The following SEMA3A variants were observed in gnomAD, a reference collection of about 807,000 sequenced individuals.
SEMA3A encodes the protein semaphorin 3A, also known as semaphorin-3A.
In SEMA3A, 29 loss-of-function variants were observed where a neutral mutation model predicts 97.9. The observed-to-expected ratio is 0.30, with a 90% CI of 0.22 to 0.40. SEMA3A has a LOEUF of 0.40. Ranked by LOEUF, SEMA3A falls within the 10% of genes least tolerant of loss-of-function variation. The pLI, the probability that SEMA3A is intolerant of heterozygous loss-of-function variation, is 1.00. For missense variants in SEMA3A, 763 were observed against 951.3 expected (o/e 0.80, Z 2.60); for synonymous variants, 321 against 323.7 (o/e 0.99, Z 0.09).
intron 1 of SEMA3A, among the ~76,000 whole-genome samples, chr7:84,458,316 T>C (rs1805737185): frequency 6.6e-6 from 1 of 152,044 alleles, no homozygotes; most frequent in South Asian, 2.1e-4. Flanking sequence ...TTTATTTGTG[T>C]CTCTCTTTAA....
At chr7:84,284,185 C>T (rs978152658) in intron 3 of SEMA3A, among the ~76,000 whole-genome samples, 3 of 152,030 alleles carry the variant, frequency 2.0e-5, no homozygotes, top group Non-Finnish European at 4.4e-5. Flanking sequence ...TGAGCATTTA[C>T]ATTCTCTTTT....
chr7:84,052,143 G>A (rs1460992180), intron 5 of SEMA3A, among the ~76,000 whole-genome samples: 7 of 151,984 alleles, frequency 4.6e-5, no homozygotes, highest in Non-Finnish European at 1.0e-4. Flanking sequence ...TTGCATCAAT[G>A]TTCATCAAGG....
intron 1 of SEMA3A, among the ~76,000 whole-genome samples, chr7:84,175,008 A>G (rs1797517780): frequency 2.0e-5 from 3 of 152,028 alleles, no homozygotes; most frequent in Admixed American, 6.6e-5. Flanking sequence ...TTTTACTGTA[A>G]TGAGTATGCG....
intron 3 of SEMA3A, among the ~76,000 whole-genome samples, chr7:84,128,739 C>T (rs1795871798): frequency 6.6e-6 from 1 of 152,002 alleles, no homozygotes; most frequent in African/African-American, 2.4e-5. Flanking sequence ...TCGAGCATCC[C>T]TAATTCAAAA....
intron 2 of SEMA3A, among the ~76,000 whole-genome samples, chr7:84,359,860 G>C (rs1352775229): frequency 1.3e-5 from 2 of 152,116 alleles, no homozygotes; most frequent in East Asian, 3.9e-4. Context: ...TTCTGGTTTA[G>C]TCTTGGGAGG....
intron 3 of SEMA3A, among the ~76,000 whole-genome samples, chr7:84,282,232 C>T (rs1800455905): frequency 6.6e-6 from 1 of 152,074 alleles, no homozygotes; most frequent in African/African-American, 2.4e-5. Context: ...AGCTGGTTTA[C>T]AGTTAAAAAA....
At chr7:84,256,246 A>C (rs1437741868) in intron 3 of SEMA3A, among the ~76,000 whole-genome samples, 1 of 152,106 alleles carries the variant, frequency 6.6e-6, no homozygotes, top group Admixed American at 6.5e-5. Context: ...TTGTGAAGTG[A>C]ATGTAGTACC....
chr7:84,450,252 C>T (rs915254048), intron 1 of SEMA3A, among the ~76,000 whole-genome samples: 3 of 152,158 alleles, frequency 2.0e-5, no homozygotes, highest in African/African-American at 7.2e-5. Context: ...TTCTCTCTCT[C>T]TCTCTTTTGA....
chr7:84,376,309 A>G (rs966039391), intron 1 of SEMA3A, among the ~76,000 whole-genome samples: 3 of 148,586 alleles, frequency 2.0e-5, no homozygotes, highest in Non-Finnish European at 4.5e-5. Context: ...TCAACAGTGT[A>G]TAAGAAGTGT....
chr7:84,150,565 T>A (rs1796613497), intron 1 of SEMA3A, among the ~76,000 whole-genome samples: 1 of 152,100 alleles, frequency 6.6e-6, no homozygotes, highest in South Asian at 2.1e-4. Context: ...CGAGATTATA[T>A]CCCGCACCTG....
chr7:84,319,890 CTTG>C (rs1420113501), intron 2 of SEMA3A, among the ~76,000 whole-genome samples: 8 of 151,960 alleles, frequency 5.3e-5, no homozygotes, highest in African/African-American at 1.9e-4. Flanking sequence ...ATGGATTTTC[CTTG>C]TTAACACTAT....
intron 2 of SEMA3A, among the ~76,000 whole-genome samples, chr7:84,359,678 T>G (rs1802660248): frequency 6.6e-6 from 1 of 152,158 alleles, no homozygotes; most frequent in South Asian, 2.1e-4. Flanking sequence ...GGATTCCCTC[T>G]TTTTCTATTG....
At chr7:84,239,646 G>A (rs970169188) in intron 3 of SEMA3A, among the ~76,000 whole-genome samples, 35 of 151,924 alleles carry the variant, frequency 2.3e-4, no homozygotes, top group African/African-American at 5.8e-4. Flanking sequence ...AAATTGGATC[G>A]TAAAAAAACA....
At chr7:84,215,449 C>G (rs1258216174) in intron 3 of SEMA3A, among the ~76,000 whole-genome samples, 3 of 152,132 alleles carry the variant, frequency 2.0e-5, no homozygotes, top group Non-Finnish European at 2.9e-5. Flanking sequence ...CTTGGCCTCC[C>G]AAAGTGCTGG....
chr7:84,206,175 G>A (rs950132543), intron 3 of SEMA3A, among the ~76,000 whole-genome samples: 1 of 151,936 alleles, frequency 6.6e-6, no homozygotes, highest in African/African-American at 2.4e-5. Flanking sequence ...TGACACTATG[G>A]CATTCTTCCC....
intron 4 of SEMA3A, among the ~76,000 whole-genome samples, chr7:84,076,862 T>G (rs1793969677): frequency 6.6e-6 from 1 of 152,124 alleles, no homozygotes; most frequent in South Asian, 2.1e-4. Flanking sequence ...TGAATTTACC[T>G]GGGTTCCCCC....
chr7:84,347,653 G>A (rs1157097176), intron 2 of SEMA3A, among the ~76,000 whole-genome samples: 10 of 151,992 alleles, frequency 6.6e-5, no homozygotes, highest in East Asian at 1.9e-4. Context: ...CTCGTGATCC[G>A]CCCACCTCAG....
chr7:84,357,822 G>A (rs973558256), intron 2 of SEMA3A, among the ~76,000 whole-genome samples: 1 of 151,620 alleles, frequency 6.6e-6, no homozygotes, highest in Non-Finnish European at 1.5e-5. Flanking sequence ...TTTAATGATC[G>A]CCATTTTAAC....
intron 1 of SEMA3A, among the ~76,000 whole-genome samples, chr7:84,406,076 C>CA (rs1326195731): frequency 6.6e-6 from 1 of 151,850 alleles, no homozygotes; most frequent in Non-Finnish European, 1.5e-5. Flanking sequence ...AATAGAGACA[C>CA]AAAAAAACCT....
Sources: gnomAD v4.1 joint callset for allele counts (sites outside exome capture counted in the v4.1 genomes callset) on GRCh38, gnomAD v4.1.1 for gene constraint, MANE v1.5 for transcripts, NCBI Gene and HGNC (gene_info 2026-07-23, HGNC 2026-07-21) for gene names.